The following KIF26A variants were observed in gnomAD, a reference collection of about 807,000 sequenced individuals.
KIF26A encodes kinesin-like protein KIF26A.
Under a neutral mutation model 126.0 loss-of-function variants are expected in KIF26A, and 74 were observed. The observed-to-expected ratio is 0.59, with a 90% CI of 0.49 to 0.71. The LOEUF (loss-of-function observed/expected upper bound fraction) is 0.71. Ranked by LOEUF, KIF26A falls within the 30% of genes least tolerant of loss-of-function variation. KIF26A has a pLI of 0.00. For synonymous variants in KIF26A, 1,445 were observed against 1,232.7 expected (o/e 1.17, Z -3.61); for missense variants, 2,984 against 2,763.3 (o/e 1.08, Z -1.79).
rs1216422546 is a variant in KIF26A at position 104,139,186 on chromosome 14, C to T, written c.186C>T (p.His62=). The T allele has an allele frequency of 1.3e-6, 2 of 1,546,512 alleles. No homozygotes were observed. Among genetic ancestry groups the T allele is most frequent in the African/African-American group, 2.8e-5 (2 of 72,724 alleles). ...CCGGGGCCGGCCCAGAGCAGGGCCA[C>T]TCGGCCGGCGGAGGCGGCTGGTGCC... ...EGAGAGPEQG[H]SAGGGGWCRH... is the part of the protein sequence containing the mutation. Residue 62 remains histidine, a synonymous_variant, in exon 2 of 15, where the codon CAC becomes CAT. Transcript: ENST00000423312.
chr14:104,141,595 G>C (rs1023957817), intron 2 of KIF26A, among the ~76,000 whole-genome samples: 1 of 144,656 alleles, frequency 6.9e-6, no homozygotes, highest in Non-Finnish European at 1.5e-5. Context: ...GTAGAGGGTC[G>C]GGGCCCAGCC....
chr14:104,180,789 C>CT lies in KIF26A; in HGVS notation c.*1002dup, dbSNP rs1391903116. On this transcript the variant is annotated 3_prime_UTR_variant, in exon 15 of 15. Coordinates refer to ENST00000423312, the MANE Select transcript of KIF26A (RefSeq NM_015656.2). Reference sequence around the variant, plus strand: ...GACGTCCCCGCACGACAGGCTCATACTTTCTGAGGATCGTGCATAGCATAG... The same window carrying CT: ...GACGTCCCCGCACGACAGGCTCATACTTTTCTGAGGATCGTGCATAGCATAG... 1 of 154,346 alleles carries CT rather than the reference C, an allele frequency of 6.5e-6. No homozygotes were observed. Among genetic ancestry groups the CT allele is most frequent in the African/African-American group, 2.4e-5 (1 of 41,526 alleles). The allele number at this position is 154,346 out of a possible 1,614,324, so 9.6% of individuals were successfully genotyped here.
chr14:104,179,399 C>G lies in KIF26A; in HGVS notation c.5467+13C>G, dbSNP rs1025176121. The G allele has an allele frequency of 6.7e-7, 1 of 1,490,496 alleles. No homozygotes were observed. Among genetic ancestry groups the G allele is most frequent in the Non-Finnish European group, 8.9e-7 (1 of 1,124,594 alleles). 92.3% of individuals were successfully genotyped at this position (1,490,496 alleles called of 1,614,324 possible). A position where few individuals can be genotyped will look rare whatever the true frequency, so the allele number is the denominator to read the frequency against. Reference sequence around the variant, plus strand: ...TGGCTGGAGCAGTGTGAGTCCCGCCCGCCCACGGACCCAGCCCGGCCCACC... The same window carrying G: ...TGGCTGGAGCAGTGTGAGTCCCGCCGGCCCACGGACCCAGCCCGGCCCACC... On this transcript the variant is annotated intron_variant, in intron 14 of 14. Transcript: ENST00000423312.
rs1177651988 is a variant in KIF26A, at chr14:104,152,261, CCTGCAGGGAGGCAG to C, written c.537_550del (p.Ala180ArgfsTer85). Reference sequence around the variant, plus strand: ...GAGGGACACGCCAGGACCAGCGGGTCCTGCAGGGAGGCAGCCAGGACGAGCTGGGCCAGACAGGA... The same window carrying C: ...GAGGGACACGCCAGGACCAGCGGGTCCCAGGACGAGCTGGGCCAGACAGGA... On this transcript the variant is annotated frameshift_variant, in exon 3 of 15. Coordinates refer to ENST00000423312, the MANE Select transcript of KIF26A (RefSeq NM_015656.2). LOFTEE classifies it high-confidence loss of function. This position sits in a 1 kb window ranked among gnomAD's most constrained non-coding sequence, Gnocchi z 5.9. 4 of 1,594,328 alleles carry C rather than the reference CCTGCAGGGAGGCAG, an allele frequency of 2.5e-6. No homozygotes were observed. The highest frequency in any genetic ancestry group is 1.7e-5 in the Admixed American group (1 of 57,550).
chr14:104,167,817 C>T (rs1042772613), intron 5 of KIF26A, among the ~76,000 whole-genome samples: 7 of 152,154 alleles, frequency 4.6e-5, no homozygotes, highest in South Asian at 2.1e-4. Context: ...GCTCTGCAGC[C>T]AGCCCCCTCC....
intron 4 of KIF26A, among the ~76,000 whole-genome samples, chr14:104,165,884 C>T (rs977133317): frequency 6.9e-6 from 1 of 145,954 alleles, no homozygotes; most frequent in Non-Finnish European, 1.6e-5. Flanking sequence ...GTGTCGAGGT[C>T]CCCTGGGAGT....
intron 4 of KIF26A, among the ~76,000 whole-genome samples, chr14:104,165,963 C>CT (rs1596143464): frequency 6.6e-6 from 1 of 152,160 alleles, no homozygotes; most frequent in Non-Finnish European, 1.5e-5. Flanking sequence ...GCGTCAGCCT[C>CT]TCCCCTGGAG....
Position 104,152,296 on chromosome 14 carries a change from C to T in KIF26A, c.570C>T (p.Asp190=). The T allele has an allele frequency of 6.3e-7, 1 of 1,588,216 alleles. No individual in the cohort carries two copies. Among genetic ancestry groups the T allele is most frequent in the Non-Finnish European group, 8.6e-7 (1 of 1,169,528 alleles). ...GGCAGCCAGGACGAGCTGGGCCAGACAGGACCAAGGGGCTGGCCTGGTCCC... is the reference window on the plus strand; with the variant it reads ...GGCAGCCAGGACGAGCTGGGCCAGATAGGACCAAGGGGCTGGCCTGGTCCC... ...AGRQPGRAGP[D]RTKGLAWSPG... is the part of the protein sequence containing the mutation. The change falls in exon 3 of 15, where the codon GAC becomes GAT. Residue 190 remains aspartate (D), a synonymous_variant. Transcript: ENST00000423312. This position sits in a 1 kb window ranked among gnomAD's most constrained non-coding sequence, Gnocchi z 5.9.
intron 3 of KIF26A, among the ~76,000 whole-genome samples, chr14:104,157,060 C>G (rs543998103): frequency 6.6e-6 from 1 of 152,256 alleles, no homozygotes; most frequent in South Asian, 2.1e-4. Context: ...TGCATCCCCC[C>G]ACGCCGCCCA....
chr14:104,169,416 G>A (rs1455004194), intron 5 of KIF26A, among the ~76,000 whole-genome samples: 2 of 152,148 alleles, frequency 1.3e-5, no homozygotes, highest in African/African-American at 4.8e-5. Flanking sequence ...TTCCTCCTGG[G>A]GGCAGCCTTG....
At chr14:104,167,163 G>A in intron 5 of KIF26A, 115 bp downstream of exon 5, 1 of 1,171,774 alleles carries the variant, frequency 8.5e-7, no homozygotes, top group Non-Finnish European at 1.2e-6. Flanking sequence ...GTTGGATAAG[G>A]GTGGTCAGTG....
chr14:104,157,886 C>A lies in KIF26A; in HGVS notation c.867C>A (p.Thr289=), dbSNP rs2037796348. ...GCACGTCAGCCCTGGTCACCCCCAC[C>A]CCGGGCTCGGTGGGGGGCTCCACAG... ...GVCTSALVTP[T]PGSVGGSTGP... is the part of the protein sequence containing the mutation. The change falls in exon 4 of 15, where the codon ACC becomes ACA. Residue 289 remains threonine (T), a synonymous_variant. Transcript: ENST00000423312. The A allele has an allele frequency of 2.5e-6, 4 of 1,578,138 alleles. No homozygotes were observed. Among genetic ancestry groups the A allele is most frequent in the South Asian group, 1.1e-5 (1 of 88,420 alleles).
At chr14:104,153,029 C>T (rs538924509) in intron 3 of KIF26A, among the ~76,000 whole-genome samples, 4 of 152,266 alleles carry the variant, frequency 2.6e-5, no homozygotes, top group African/African-American at 7.2e-5. Context: ...AGCACAAGCT[C>T]GCCCTTCTCC....
intron 4 of KIF26A, among the ~76,000 whole-genome samples, chr14:104,158,548 T>C (rs1157390078): frequency 2.0e-5 from 3 of 152,128 alleles, no homozygotes; most frequent in Non-Finnish European, 2.9e-5. Context: ...CATCCCACAT[T>C]GGGGGACCAT....
chr14:104,157,098 G>A (rs1284337847), intron 3 of KIF26A, among the ~76,000 whole-genome samples: 1 of 152,154 alleles, frequency 6.6e-6, no homozygotes, highest in African/African-American at 2.4e-5. Flanking sequence ...AGGGTTCGGG[G>A]TCCCACGTGT....
chr14:104,175,446 C>T lies in KIF26A; in HGVS notation c.2658C>T (p.Pro886=), dbSNP rs377209406. The change falls in exon 12 of 15, where the codon CCC becomes CCT. Residue 886 remains proline (P), a synonymous_variant. Transcript: ENST00000423312. ...CCTCGCCACCAGAGGCTGCATCCCCCAGGAAGGCCGTGGGCACCCCGATGG... is the reference window on the plus strand; with the variant it reads ...CCTCGCCACCAGAGGCTGCATCCCCTAGGAAGGCCGTGGGCACCCCGATGG... The part of the protein sequence containing the change: ...RKPSPPEAAS[P]RKAVGTPMAA... 6.1e-5 allele frequency: 97 copies of T among 1,592,100 alleles called. No homozygotes were observed. The highest frequency in any genetic ancestry group is 3.4e-4 in the Admixed American group (20 of 58,750).
intron 4 of KIF26A, among the ~76,000 whole-genome samples, chr14:104,160,336 T>C (rs1343397436): frequency 6.6e-6 from 1 of 152,036 alleles, no homozygotes; most frequent in African/African-American, 2.4e-5. Flanking sequence ...CCAGCCGGAT[T>C]AGGGCACCAG....
At position 104,173,465 on chromosome 14, in the gene KIF26A, A is replaced by G; in HGVS notation, c.1819A>G (p.Thr607Ala). 6.3e-7 allele frequency: 1 copy of G among 1,587,812 alleles called. No individual in the cohort carries two copies. The highest frequency in any genetic ancestry group is 8.6e-7 in the Non-Finnish European group (1 of 1,164,578). ...DARRSSHMLF[T>A]LHVYQYRMEK... is the part of the protein sequence containing the mutation. Reference sequence around the variant, plus strand: ...CCGACGCAGCTCCCACATGTTGTTCACGCTGCACGTCTACCAGTACCGCAT... The same window carrying G: ...CCGACGCAGCTCCCACATGTTGTTCGCGCTGCACGTCTACCAGTACCGCAT... The change falls in exon 9 of 15, where the codon ACG (threonine) becomes GCG (alanine). Residue 607 changes from threonine (T) to alanine (A), a missense_variant. Transcript: ENST00000423312.
Position 104,177,623 on chromosome 14 carries a change from C to A in KIF26A, c.4835C>A (p.Pro1612His). ...RPPTGPALPS[P>H]YSKVTAPRRP... is the part of the protein sequence containing the mutation. Reference sequence around the variant, plus strand: ...CCCACGGGCCCGGCCCTGCCCTCCCCCTACAGCAAGGTGACCGCCCCACGG... The same window carrying A: ...CCCACGGGCCCGGCCCTGCCCTCCCACTACAGCAAGGTGACCGCCCCACGG... The change falls in exon 12 of 15, where the codon CCC becomes CAC. Residue 1612 changes from proline (P) to histidine (H), a missense_variant. Pro to His is a moderately conservative substitution (Grantham distance 77). Coordinates refer to ENST00000423312, the MANE Select transcript of KIF26A (RefSeq NM_015656.2). 6.5e-7 allele frequency: 1 copy of A among 1,527,284 alleles called. No homozygotes were observed. The highest frequency in any genetic ancestry group is 8.8e-7 in the Non-Finnish European group (1 of 1,141,736). The allele number at this position is 1,527,284 out of a possible 1,614,324, so 94.6% of individuals were successfully genotyped here.
Sources: allele counts gnomAD v4.1 joint callset (sites outside exome capture counted in the v4.1 genomes callset), GRCh38; gene constraint gnomAD v4.1.1; non-coding constraint Gnocchi (gnomAD v3.1); transcripts MANE v1.5; gene names NCBI Gene and HGNC (gene_info 2026-07-23, HGNC 2026-07-21).